The following UBR3 variants were observed in gnomAD, a reference collection of about 807,000 sequenced individuals.
UBR3 encodes E3 ubiquitin-protein ligase UBR3.
In UBR3, 85 loss-of-function variants were observed where a neutral mutation model predicts 243.2. The ratio of observed to expected loss-of-function variants is 0.35; its 90% CI spans 0.29 to 0.42. The LOEUF is 0.42. Ranked by LOEUF, UBR3 falls within the 10% of genes least tolerant of loss-of-function variation. The probability of loss-of-function intolerance (pLI) is 1.00; values close to 1 mark genes in which losing one functional copy is unlikely to be tolerated. For synonymous variants in UBR3, 748 were observed against 799.8 expected (o/e 0.94, Z 1.09); for missense variants, 1,686 against 2,300.8 (o/e 0.73, Z 5.47).
At chr2:170,025,505 G>A (rs1193688085) in intron 30 of UBR3, among the ~76,000 whole-genome samples, 1 of 152,176 alleles carries the variant, frequency 6.6e-6, no homozygotes, top group Non-Finnish European at 1.5e-5. Flanking sequence ...AGAAAAGAAG[G>A]AAGGTTAAGA....
chr2:170,075,627 C>T (rs2091790888), intron 36 of UBR3, among the ~76,000 whole-genome samples: 1 of 152,076 alleles, frequency 6.6e-6, no homozygotes, highest in Non-Finnish European at 1.5e-5. Context: ...AAGTACACCA[C>T]CATTTGACCT....
intron 2 of UBR3, 126 bp downstream of exon 2, chr2:169,872,501 A>G (rs920154002): frequency 1.5e-6 from 1 of 659,950 alleles, no homozygotes; most frequent in Non-Finnish European, 2.4e-6. Context: ...AGAGATGACT[A>G]TAAAATACGG....
At position 169,929,200 on chromosome 2, in the gene UBR3, A is replaced by C. The variant is rs563362232; in HGVS notation, c.2566+332A>C. The stretch of plus-strand genomic sequence containing the variant: ...AAATGTATATTAAAAAATATTTTGA[A>C]TGTATTTACTCTCCAAATTTGATTT... On this transcript the variant is annotated intron_variant, in intron 18 of 38. Transcript: ENST00000272793. 2.5e-4 allele frequency among the ~76,000 whole-genome samples: 38 copies of C among 152,332 alleles called. 1 individual carries two copies. The highest frequency in any genetic ancestry group is 8.4e-4 in the African/African-American group (35 of 41,576).
In UBR3 at chr2:170,073,548, A is replaced by G. The variant is rs1044789702; in HGVS notation, c.5140A>G (p.Ile1714Val). 4 of 1,613,598 alleles carry G rather than the reference A, an allele frequency of 2.5e-6. No individual in the cohort carries two copies. In the African/African-American group the frequency reaches 5.3e-5, roughly 22 times the overall value. The change falls in exon 36 of 39, where the codon ATA becomes GTA. Residue 1714 changes from isoleucine (I) to valine (V), a missense_variant. Coordinates refer to ENST00000272793, the MANE Select transcript of UBR3 (RefSeq NM_172070.4). Reference protein sequence around the residue: ...LDWPVPAFDIITQWCFEIKSF... With the variant: ...LDWPVPAFDIVTQWCFEIKSF... ...TTGGCCAGTTCCAGCATTTGATATT[A>G]TAACTCAGTGGTGTTTTGAGATAAA...
At chr2:169,988,648 T>G (rs1045065894) in intron 25 of UBR3, among the ~76,000 whole-genome samples, 4 of 151,908 alleles carry the variant, frequency 2.6e-5, no homozygotes, top group Non-Finnish European at 5.9e-5. Context: ...CTACAAAAAG[T>G]AAAATTAGAC....
At chr2:170,054,606 T>C (rs1407355486) in intron 32 of UBR3, among the ~76,000 whole-genome samples, 4 of 152,114 alleles carry the variant, frequency 2.6e-5, no homozygotes, top group Non-Finnish European at 4.4e-5. Flanking sequence ...TTAAAAATTT[T>C]TGTAGAGAGG....
At chr2:170,015,133 A>G (rs1218944268) in intron 29 of UBR3, 148 bp from the exon 30 acceptor site, 4 of 561,758 alleles carry the variant, frequency 7.1e-6, no homozygotes, top group Admixed American at 6.9e-5. Flanking sequence ...TCAGATAAAT[A>G]TGATTATTAC....
chr2:169,838,918 A>G (rs2082202513), intron 1 of UBR3, among the ~76,000 whole-genome samples: 1 of 152,212 alleles, frequency 6.6e-6, no homozygotes, highest in South Asian at 2.1e-4. Flanking sequence ...TGTTGGTGGG[A>G]ATGTAAATTA....
At chr2:169,831,802 T>G (rs1387781583) in intron 1 of UBR3, among the ~76,000 whole-genome samples, 1 of 152,208 alleles carries the variant, frequency 6.6e-6, no homozygotes, top group East Asian at 1.9e-4. Flanking sequence ...TGTTTGAACT[T>G]TTCTAAGTTT....
chr2:169,994,184 C>G, intron 25 of UBR3, 139 bp from the exon 26 acceptor site: 1 of 983,852 alleles, frequency 1.0e-6, no homozygotes, highest in South Asian at 2.1e-5. Flanking sequence ...TAGAATACCA[C>G]TTTTTTGAGG....
At chr2:169,952,926 A>C (rs1318479280) in intron 23 of UBR3, among the ~76,000 whole-genome samples, 6 of 152,146 alleles carry the variant, frequency 3.9e-5, no homozygotes, top group Admixed American at 3.9e-4. Context: ...GTTGAAAATG[A>C]GGTAAGATTG....
chr2:170,073,322 G>T, intron 35 of UBR3, 106 bp from the exon 36 acceptor site: 1 of 1,334,882 alleles, frequency 7.5e-7, no homozygotes, highest in Non-Finnish European at 1.0e-6. Context: ...ACTCAGTTAA[G>T]AAAGTTTTCT....
chr2:169,873,664 G>C (rs1206764692), intron 2 of UBR3, among the ~76,000 whole-genome samples: 1 of 151,916 alleles, frequency 6.6e-6, no homozygotes, highest in Non-Finnish European at 1.5e-5. Context: ...CAGAGTGAGA[G>C]TGTGCCCTGT....
intron 18 of UBR3, among the ~76,000 whole-genome samples, chr2:169,932,471 C>T (rs1348167525): frequency 6.6e-6 from 1 of 151,946 alleles, no homozygotes; most frequent in Non-Finnish European, 1.5e-5. Flanking sequence ...TCTTTGTTGC[C>T]TGGGCTGGTC....
intron 31 of UBR3, among the ~76,000 whole-genome samples, chr2:170,032,234 G>A (rs2090691427): frequency 6.6e-6 from 1 of 151,396 alleles, no homozygotes; most frequent in Non-Finnish European, 1.5e-5. Context: ...AAAAGGGCAG[G>A]GAGAGAAAAT....
chr2:170,017,522 GACACACACACACACACACACACAGAC>G (rs1191191839), intron 30 of UBR3, among the ~76,000 whole-genome samples: 1 of 145,136 alleles, frequency 6.9e-6, no homozygotes, highest in Admixed American at 6.9e-5. Flanking sequence ...TATAATTACG[GACACACACACACACACACACACAGAC>G]ACACACACAC....
chr2:169,833,835 G>A (rs1423583717), intron 1 of UBR3, among the ~76,000 whole-genome samples: 1 of 151,566 alleles, frequency 6.6e-6, no homozygotes, highest in Non-Finnish European at 1.5e-5. Flanking sequence ...AGGCTGGAGT[G>A]CAGTGGTGTG....
Position 169,946,387 on chromosome 2 carries a change from GA to G in UBR3, c.2907del (p.Glu970ArgfsTer20). Reference protein sequence around the residue: ...LENSAEEESDEEASVGGPERC... With the variant: ...LENSAEEESDXEASVGGPERC... ...AAATTCTGCTGAAGAAGAATCAGAT[GA>G]AGAGGTAAGTAGTTTTTATAATTTA... is the stretch of plus-strand genomic sequence containing the variant. On this transcript the variant is annotated frameshift_variant, in exon 21 of 39. Transcript: ENST00000272793. LOFTEE classifies it high-confidence loss of function. The G allele has an allele frequency of 6.7e-7, 1 of 1,490,970 alleles. No homozygotes were observed. Among genetic ancestry groups the G allele is most frequent in the South Asian group, 1.3e-5 (1 of 74,552 alleles). The allele number at this position is 1,490,970 out of a possible 1,614,324, so 92.4% of individuals were successfully genotyped here.
chr2:170,038,357 C>T (rs1298125655), intron 31 of UBR3, among the ~76,000 whole-genome samples: 2 of 145,972 alleles, frequency 1.4e-5, no homozygotes, highest in African/African-American at 2.4e-5. Flanking sequence ...AATTATGTAC[C>T]ACTCGTTTAT....
Sources: allele counts gnomAD v4.1 joint callset (sites outside exome capture counted in the v4.1 genomes callset), GRCh38; gene constraint gnomAD v4.1.1; transcripts MANE v1.5; gene names NCBI Gene and HGNC (gene_info 2026-07-23, HGNC 2026-07-21).